SHISA9: variants seen among roughly 807,000 people sequenced by gnomAD.
The protein encoded by SHISA9 is shisa family member 9.
SHISA9 carries 13 observed loss-of-function variants against 38.0 expected under a neutral mutation model. The ratio of observed to expected loss-of-function variants is 0.34; its 90% CI spans 0.22 to 0.54. The LOEUF (loss-of-function observed/expected upper bound fraction) is 0.54. SHISA9 is among the 20% of genes least tolerant of loss of function. The probability of loss-of-function intolerance (pLI) is 0.91; values close to 1 mark genes in which losing one functional copy is unlikely to be tolerated. For missense variants in SHISA9, 538 were observed against 575.8 expected, an observed-to-expected ratio of 0.93 and a Z score of 0.67; for synonymous variants, 275 against 242.0, an observed-to-expected ratio of 1.14 and a Z score of -1.27.
At chr16:13,365,933 G>T in the SHISA9 span, among the ~76,000 whole-genome samples, 70 of 152,306 alleles carry the variant, frequency 4.6e-4, no homozygotes, top group African/African-American at 1.7e-3. Context: ...AGAATGGAAT[G>T]ATTCTATAGC....
At chr16:13,006,415 C>T (rs2072598988) in intron 2 of SHISA9, among the ~76,000 whole-genome samples, 1 of 152,180 alleles carries the variant, frequency 6.6e-6, no homozygotes, top group Non-Finnish European at 1.5e-5. Flanking sequence ...CAGTATTTAT[C>T]AAGCACGTTC....
At chr16:13,431,765 T>C in the SHISA9 span, among the ~76,000 whole-genome samples, 1 of 152,118 alleles carries the variant, frequency 6.6e-6, no homozygotes, top group Non-Finnish European at 1.5e-5. Context: ...TGTATTTAAT[T>C]TGAATAACAA....
At chr16:12,957,924 G>C (rs1373026149) in intron 2 of SHISA9, among the ~76,000 whole-genome samples, 1 of 152,152 alleles carries the variant, frequency 6.6e-6, no homozygotes, top group South Asian at 2.1e-4. Context: ...TACCAGCAAG[G>C]GGGCTCGACT....
At chr16:13,155,011 T>C (rs2050531848) in intron 2 of SHISA9, among the ~76,000 whole-genome samples, 1 of 152,160 alleles carries the variant, frequency 6.6e-6, no homozygotes. Flanking sequence ...ATACTTCCTG[T>C]AGGAGTTATT....
the SHISA9 span, among the ~76,000 whole-genome samples, chr16:13,415,547 T>C: frequency 3.3e-5 from 5 of 152,288 alleles, no homozygotes; most frequent in East Asian, 9.7e-4. Flanking sequence ...TACATAAGTT[T>C]ACCTATATAA....
chr16:13,471,905 C>G, the SHISA9 span, among the ~76,000 whole-genome samples: 1 of 152,100 alleles, frequency 6.6e-6, no homozygotes, highest in Non-Finnish European at 1.5e-5. Flanking sequence ...AAAGACTGAC[C>G]ATTGCCTGTT....
chr16:13,013,912 G>A (rs1278763227), intron 2 of SHISA9, among the ~76,000 whole-genome samples: 1 of 152,066 alleles, frequency 6.6e-6, no homozygotes, highest in Non-Finnish European at 1.5e-5. Flanking sequence ...TGTATTTTTA[G>A]TAGAGACGGG....
chr16:13,309,656 A>G, the SHISA9 span, among the ~76,000 whole-genome samples: 1 of 151,498 alleles, frequency 6.6e-6, no homozygotes, highest in Non-Finnish European at 1.5e-5. Flanking sequence ...AAAAAAAAAA[A>G]AAAAAGAAAG....
chr16:13,119,971 A>G (rs2074069177), intron 2 of SHISA9, among the ~76,000 whole-genome samples: 2 of 151,930 alleles, frequency 1.3e-5, no homozygotes, highest in Admixed American at 6.6e-5. Context: ...TGGGGCAGGG[A>G]CTCCAGAAAG....
At chr16:13,256,741 G>A in the SHISA9 span, among the ~76,000 whole-genome samples, 1 of 152,220 alleles carries the variant, frequency 6.6e-6, no homozygotes, top group East Asian at 1.9e-4. Flanking sequence ...AATGAGTGAG[G>A]AAATGAATGA....
At chr16:13,093,031 A>G (rs1447929607) in intron 2 of SHISA9, among the ~76,000 whole-genome samples, 1 of 152,144 alleles carries the variant, frequency 6.6e-6, no homozygotes, top group African/African-American at 2.4e-5. Context: ...ACTTTTTGAC[A>G]CCAAAACCCA....
At chr16:12,998,923 C>G (rs544138709) in intron 2 of SHISA9, among the ~76,000 whole-genome samples, 2 of 152,258 alleles carry the variant, frequency 1.3e-5, no homozygotes, top group East Asian at 3.9e-4. Context: ...AAATCCCTAA[C>G]CATTGCTCTT....
the SHISA9 span, among the ~76,000 whole-genome samples, chr16:13,482,246 A>G: frequency 1.3e-5 from 2 of 152,236 alleles, no homozygotes; most frequent in Non-Finnish European, 2.9e-5. Context: ...ACCATGGGTG[A>G]TTTAACTGTA....
chr16:13,500,201 C>A, the SHISA9 span, among the ~76,000 whole-genome samples: 1 of 152,140 alleles, frequency 6.6e-6, no homozygotes, highest in Non-Finnish European at 1.5e-5. Flanking sequence ...AGAGGCTCTT[C>A]CCCCTTTGCT....
chr16:13,455,021 T>C, the SHISA9 span, among the ~76,000 whole-genome samples: 1 of 152,202 alleles, frequency 6.6e-6, no homozygotes, highest in Non-Finnish European at 1.5e-5. Context: ...TTCTTTTTTT[T>C]TTATCATATC....
intron 2 of SHISA9, among the ~76,000 whole-genome samples, chr16:12,955,703 T>A (rs1382436559): frequency 1.3e-5 from 2 of 150,246 alleles, no homozygotes; most frequent in South Asian, 4.2e-4. Context: ...TGGCTAGCCA[T>A]ATGCAGAAAA....
the SHISA9 span, among the ~76,000 whole-genome samples, chr16:13,288,056 C>T: frequency 6.6e-6 from 1 of 152,038 alleles, no homozygotes; most frequent in Non-Finnish European, 1.5e-5. Flanking sequence ...AGGTTATGTT[C>T]TTATGTACCT....
At chr16:13,493,924 T>G in the SHISA9 span, among the ~76,000 whole-genome samples, 2 of 151,812 alleles carry the variant, frequency 1.3e-5, no homozygotes, top group Non-Finnish European at 2.9e-5. Context: ...CAGAGGAAAG[T>G]TCCAGACTCA....
chr16:12,906,794 G>A (rs750888312), intron 1 of SHISA9, among the ~76,000 whole-genome samples: 17 of 152,028 alleles, frequency 1.1e-4, no homozygotes, highest in Non-Finnish European at 1.9e-4. Context: ...TGCGTTGTAC[G>A]GGGCTGTCCT....
Sources: gnomAD v4.1 joint callset for allele counts (sites outside exome capture counted in the v4.1 genomes callset) on GRCh38, gnomAD v4.1.1 for gene constraint, MANE v1.5 for transcripts, NCBI Gene and HGNC (gene_info 2026-07-23, HGNC 2026-07-21) for gene names.